PLCB4: variants seen among roughly 807,000 people sequenced by gnomAD.
The protein encoded by PLCB4 is 1-phosphatidylinositol 4,5-bisphosphate phosphodiesterase beta-4.
In PLCB4, 77 loss-of-function variants were observed where a neutral mutation model predicts 178.8. The observed-to-expected ratio is 0.43, with a 90% CI of 0.36 to 0.52. PLCB4 has a LOEUF of 0.52. PLCB4 is among the 20% of genes least tolerant of loss of function. The probability of loss-of-function intolerance (pLI) is 0.00; values close to 1 mark genes in which losing one functional copy is unlikely to be tolerated. For missense variants in PLCB4, 1,024 were observed against 1,453.4 expected (o/e 0.70, Z 4.80); for synonymous variants, 496 against 490.8 (o/e 1.01, Z -0.14).
At chr20:9,376,536 T>C (rs2036689112) in intron 12 of PLCB4, among the ~76,000 whole-genome samples, 1 of 152,072 alleles carries the variant, frequency 6.6e-6, no homozygotes, top group Non-Finnish European at 1.5e-5. Flanking sequence ...AATAGCAAAC[T>C]AGAGTCCAGG....
At chr20:9,183,068 A>G (rs1296860258) in intron 2 of PLCB4, among the ~76,000 whole-genome samples, 1 of 152,060 alleles carries the variant, frequency 6.6e-6, no homozygotes. Context: ...ATTAAACTAC[A>G]GGGAGAGCAC....
At chr20:9,423,359 G>C (rs2040780217) in intron 27 of PLCB4, among the ~76,000 whole-genome samples, 1 of 152,180 alleles carries the variant, frequency 6.6e-6, no homozygotes, top group African/African-American at 2.4e-5. Context: ...CAATATGCCA[G>C]ATATTAGATC....
chr20:9,409,750 A>C (rs1408716500), intron 24 of PLCB4, among the ~76,000 whole-genome samples: 1 of 151,752 alleles, frequency 6.6e-6, no homozygotes, highest in African/African-American at 2.4e-5. Context: ...CAGGTTTCCA[A>C]TATATAATGA....
chr20:9,462,799 C>A (rs2043490308), intron 35 of PLCB4, among the ~76,000 whole-genome samples: 1 of 152,108 alleles, frequency 6.6e-6, no homozygotes, highest in African/African-American at 2.4e-5. Context: ...GATTGGTGTA[C>A]CCAAAAGTGA....
chr20:9,421,474 C>T lies in PLCB4; in HGVS notation c.2319+13C>T. 1.2e-6 allele frequency: 2 copies of T among 1,607,678 alleles called. No homozygotes were observed. Among genetic ancestry groups the T allele is most frequent in the Non-Finnish European group, 1.7e-6 (2 of 1,175,230 alleles). ...TGTATTTCGGAAGGTAGGACATTTTCAGCACGTCAAACTTACTCTAATAAC... is the reference window on the plus strand; with the variant it reads ...TGTATTTCGGAAGGTAGGACATTTTTAGCACGTCAAACTTACTCTAATAAC... On this transcript the variant is annotated intron_variant, in intron 27 of 39. Transcript: ENST00000378473.
At chr20:9,410,905 G>A in intron 24 of PLCB4, 132 bp from the exon 25 acceptor site, 1 of 643,086 alleles carries the variant, frequency 1.6e-6, no homozygotes, top group Non-Finnish European at 2.8e-6. Flanking sequence ...AATAGACCAA[G>A]CAGAACCTTG....
chr20:9,302,711 T>A (rs1175925588), intron 3 of PLCB4, among the ~76,000 whole-genome samples: 2 of 152,148 alleles, frequency 1.3e-5, no homozygotes, highest in African/African-American at 4.8e-5. Flanking sequence ...ACTATTGTGA[T>A]GAAATTAGTA....
intron 38 of PLCB4, among the ~76,000 whole-genome samples, chr20:9,474,512 CGG>C (rs1222585365): frequency 6.6e-6 from 1 of 152,098 alleles, no homozygotes; most frequent in African/African-American, 2.4e-5. Context: ...AATTTAGAAA[CGG>C]AGAGGTTTTG....
At chr20:9,395,769 G>A (rs1343317312) in intron 19 of PLCB4, 151 bp downstream of exon 19, 1 of 551,886 alleles carries the variant, frequency 1.8e-6, no homozygotes, top group African/African-American at 1.9e-5. Context: ...TTCAAGACCA[G>A]CCTGGGCAAC....
intron 3 of PLCB4, among the ~76,000 whole-genome samples, chr20:9,252,316 G>A (rs2094189947): frequency 6.6e-6 from 1 of 152,176 alleles, no homozygotes; most frequent in Non-Finnish European, 1.5e-5. Context: ...AGCATCATCT[G>A]CGAGCTTGTT....
intron 2 of PLCB4, among the ~76,000 whole-genome samples, chr20:9,128,526 A>G (rs2092189494): frequency 6.6e-6 from 1 of 152,136 alleles, no homozygotes; most frequent in South Asian, 2.1e-4. Flanking sequence ...CTGGAATTAC[A>G]GGAGTGTACC....
intron 3 of PLCB4, among the ~76,000 whole-genome samples, chr20:9,222,240 C>G (rs977059342): frequency 9.9e-5 from 15 of 152,040 alleles, no homozygotes; most frequent in African/African-American, 3.4e-4. Flanking sequence ...CAAGTATGCA[C>G]TACCATACCT....
chr20:9,304,338 A>G (rs967654376), intron 3 of PLCB4, among the ~76,000 whole-genome samples: 4 of 152,084 alleles, frequency 2.6e-5, no homozygotes, highest in Admixed American at 2.0e-4. Flanking sequence ...CATGACCACA[A>G]TATTTTCTGC....
chr20:9,281,356 C>A (rs931021378), intron 3 of PLCB4, among the ~76,000 whole-genome samples: 3 of 151,958 alleles, frequency 2.0e-5, no homozygotes, highest in African/African-American at 7.2e-5. Flanking sequence ...TATTAATAAT[C>A]TGTTAATTAG....
At chr20:9,214,457 C>T (rs977916401) in intron 2 of PLCB4, among the ~76,000 whole-genome samples, 1 of 152,076 alleles carries the variant, frequency 6.6e-6, no homozygotes, top group African/African-American at 2.4e-5. Context: ...TGCATTAACA[C>T]TGATACAACT....
intron 24 of PLCB4, among the ~76,000 whole-genome samples, chr20:9,409,937 C>T (rs767539694): frequency 6.6e-6 from 1 of 152,208 alleles, no homozygotes; most frequent in Non-Finnish European, 1.5e-5. Context: ...GTCAATTCTA[C>T]AGCATGGTTC....
At chr20:9,112,167 G>C (rs2091601843) in intron 2 of PLCB4, among the ~76,000 whole-genome samples, 3 of 151,540 alleles carry the variant, frequency 2.0e-5, no homozygotes, top group African/African-American at 7.3e-5. Context: ...GAAGTGTTAA[G>C]AATCTGAAGA....
chr20:9,177,354 A>C (rs2093172106), intron 2 of PLCB4, among the ~76,000 whole-genome samples: 1 of 152,190 alleles, frequency 6.6e-6, no homozygotes, highest in Non-Finnish European at 1.5e-5. Flanking sequence ...TTTATCCTAA[A>C]GATATGATAA....
At chr20:9,410,726 T>A (rs974493627) in intron 24 of PLCB4, among the ~76,000 whole-genome samples, 2 of 152,312 alleles carry the variant, frequency 1.3e-5, no homozygotes, top group East Asian at 3.9e-4. Flanking sequence ...CCTCTCCCAC[T>A]GTAGCAGGTT....
Sources: gnomAD v4.1 joint callset for allele counts (sites outside exome capture counted in the v4.1 genomes callset) on GRCh38, gnomAD v4.1.1 for gene constraint, MANE v1.5 for transcripts, NCBI Gene and HGNC (gene_info 2026-07-23, HGNC 2026-07-21) for gene names.